Variants in PCDHGA1 observed in about 807,000 individuals in gnomAD.
PCDHGA1 encodes protocadherin gamma subfamily A, 1.
PCDHGA1 carries 32 observed loss-of-function variants against 58.0 expected under a neutral mutation model. That is an observed-to-expected ratio of 0.55 (90% CI 0.42 to 0.74). The LOEUF (loss-of-function observed/expected upper bound fraction) is 0.74. Ranked by LOEUF, PCDHGA1 falls within the 30% of genes least tolerant of loss-of-function variation. The probability of loss-of-function intolerance (pLI) is 0.00; values close to 1 mark genes in which losing one functional copy is unlikely to be tolerated. For missense variants in PCDHGA1, 1,205 were observed against 1,182.3 expected, an observed-to-expected ratio of 1.02 and a Z score of -0.28; for synonymous variants, 498 against 501.1, an observed-to-expected ratio of 0.99 and a Z score of 0.08.
In PCDHGA1 at chr5:141,485,470, T is replaced by C; in HGVS notation, c.2422-9337T>C. ...ACCGAGAGGCACTGTGTGGGCTCAG[T>C]GCCAGCTGCATCGTGCCCCTGGAGT... On this transcript the variant is annotated intron_variant, in intron 1 of 3. Coordinates refer to ENST00000517417, the MANE Select transcript of PCDHGA1 (RefSeq NM_018912.3). This position sits in a 1 kb window ranked among gnomAD's most constrained non-coding sequence, Gnocchi z 5.7. 1.9e-6 allele frequency: 3 copies of C among 1,614,110 alleles called. No individual in the cohort carries two copies. The highest frequency in any genetic ancestry group is 2.5e-6 in the Non-Finnish European group (3 of 1,180,002).
In PCDHGA1 at chr5:141,345,887, G is replaced by C. The variant is rs749950943; in HGVS notation, c.2421+12782G>C. 2.9e-5 allele frequency: 47 copies of C among 1,613,292 alleles called. No individual in the cohort carries two copies. In the South Asian group the frequency reaches 4.9e-4, roughly 17 times the overall value. ...AGGCCAGCGAGCCGGGACTCTTCTC[G>C]GTGGGTCTGCACACGGGCGAGGTGC... On this transcript the variant is annotated intron_variant, in intron 1 of 3. Transcript: ENST00000517417.
At chr5:141,373,976 G>T (rs1357062991) in intron 1 of PCDHGA1, 1 of 1,066,506 alleles carries the variant, frequency 9.4e-7, no homozygotes, top group Non-Finnish European at 1.3e-6. Context: ...CTTCGCATCC[G>T]GTCTCTGCTT....
rs1412764202 is a variant in PCDHGA1, at chr5:141,486,708, C to T, written c.2422-8099C>T. The T allele has an allele frequency of 1.2e-6, 2 of 1,614,062 alleles. No individual in the cohort carries two copies. Among genetic ancestry groups the T allele is most frequent in the Non-Finnish European group, 1.7e-6 (2 of 1,180,054 alleles). ...GCTTCCTCTTTCATCTCTCTGAACC[C>T]CCAGACAGGAGCTGTTCATGCTACT... On this transcript the variant is annotated intron_variant, in intron 1 of 3. Coordinates refer to ENST00000517417, the MANE Select transcript of PCDHGA1 (RefSeq NM_018912.3). This position sits in a 1 kb window ranked among gnomAD's most constrained non-coding sequence, Gnocchi z 5.0.
intron 1 of PCDHGA1, among the ~76,000 whole-genome samples, chr5:141,443,479 C>G (rs1285767691): frequency 6.6e-6 from 1 of 152,144 alleles, no homozygotes; most frequent in African/African-American, 2.4e-5. Context: ...GAATTAGACC[C>G]TGTCCCAAAA....
At chr5:141,364,829 C>T in intron 1 of PCDHGA1, 2 of 1,614,008 alleles carry the variant, frequency 1.2e-6, no homozygotes, top group Non-Finnish European at 1.7e-6. Context: ...TGTGAACTCT[C>T]TCCGGAGTTA....
At chr5:141,375,793 C>T (rs761231690) in intron 1 of PCDHGA1, 4 of 1,614,110 alleles carry the variant, frequency 2.5e-6, no homozygotes, top group East Asian at 4.5e-5. Context: ...TCCCCACAGA[C>T]GGTTCCACTG....
chr5:141,408,061 G>C, intron 1 of PCDHGA1: 1 of 1,332,898 alleles, frequency 7.5e-7, no homozygotes, highest in Non-Finnish European at 1.0e-6. Flanking sequence ...CCTCCCGGCT[G>C]CGCAGACCTT....
chr5:141,402,901 T>TG, intron 1 of PCDHGA1: 1 of 1,520,230 alleles, frequency 6.6e-7, no homozygotes, highest in Non-Finnish European at 8.8e-7. Context: ...AAGAACCTGA[T>TG]GAAGCAGCGC....
intron 1 of PCDHGA1, chr5:141,338,925 C>T: frequency 2.0e-6 from 3 of 1,518,902 alleles, no homozygotes; most frequent in Non-Finnish European, 2.6e-6. Flanking sequence ...TTGGAATCCG[C>T]ACTGGATGCT....
Position 141,485,331 on chromosome 5 carries a change from T to C in PCDHGA1, c.2422-9476T>C, listed in dbSNP as rs1203054851. On this transcript the variant is annotated intron_variant, in intron 1 of 3. Transcript: ENST00000517417. This position sits in a 1 kb window ranked among gnomAD's most constrained non-coding sequence, Gnocchi z 5.7. Reference sequence around the variant, plus strand: ...GTAGGGAATGTCGCTCAAGATTTCCTGCTGGATACGGACAGTCTGTCAGCT... The same window carrying C: ...GTAGGGAATGTCGCTCAAGATTTCCCGCTGGATACGGACAGTCTGTCAGCT... 6.2e-7 allele frequency: 1 copy of C among 1,614,048 alleles called. No individual in the cohort carries two copies. Among genetic ancestry groups the C allele is most frequent in the African/African-American group, 1.3e-5 (1 of 74,902 alleles).
rs148589854 is a variant in PCDHGA1, at chr5:141,393,112, C to T, written c.2421+60007C>T. ...CGGGAGGAGCTCTGCGCTCAGAGCC[C>T]GCGGTGTCTGATAAATATTAACACC... On this transcript the variant is annotated intron_variant, in intron 1 of 3. Transcript: ENST00000517417. 5.0e-3 allele frequency: 7,989 copies of T among 1,613,452 alleles called. 48 individuals carry two copies. The highest frequency in any genetic ancestry group is 9.4e-3 in the Admixed American group (566 of 60,028).
intron 1 of PCDHGA1, chr5:141,423,800 T>C: frequency 1.6e-5 from 14 of 895,104 alleles, no homozygotes; most frequent in East Asian, 1.3e-4. Context: ...TTTAGAGCAA[T>C]ACATGTGAGT....
At chr5:141,340,998 G>A (rs1341842260) in intron 1 of PCDHGA1, 18 of 1,613,964 alleles carry the variant, frequency 1.1e-5, no homozygotes, top group Non-Finnish European at 1.5e-5. Flanking sequence ...GCCGACCTGG[G>A]CAGCCTCGAG....
chr5:141,357,485 A>C (rs1348753984), intron 1 of PCDHGA1: 9 of 1,614,044 alleles, frequency 5.6e-6, no homozygotes, highest in Non-Finnish European at 7.6e-6. Flanking sequence ...CTCACCGCGG[A>C]CTCGCGGAAG....
intron 1 of PCDHGA1, chr5:141,340,179 G>A (rs767631394): frequency 3.7e-6 from 6 of 1,614,154 alleles, no homozygotes; most frequent in East Asian, 2.2e-5. Flanking sequence ...AATTACTACC[G>A]ACTGGTTACA....
intron 1 of PCDHGA1, chr5:141,388,942 T>C: frequency 6.2e-7 from 1 of 1,614,004 alleles, no homozygotes; most frequent in African/African-American, 1.3e-5. Flanking sequence ...CTACCCAACC[T>C]AATTATGGAG....
chr5:141,401,654 G>T (rs566223613), intron 1 of PCDHGA1, among the ~76,000 whole-genome samples: 52 of 152,328 alleles, frequency 3.4e-4, no homozygotes, highest in Middle Eastern at 3.4e-3. Flanking sequence ...TAAATGACTG[G>T]ATGTTTTCTC....
At chr5:141,362,001 C>T in intron 1 of PCDHGA1, 3 of 1,603,878 alleles carry the variant, frequency 1.9e-6, no homozygotes, top group South Asian at 1.1e-5. Flanking sequence ...TGGGGTTGCG[C>T]ACGGGTGAGG....
At chr5:141,346,506 G>T (rs768849067) in intron 1 of PCDHGA1, 1 of 1,609,240 alleles carries the variant, frequency 6.2e-7, no homozygotes, top group East Asian at 2.2e-5. Flanking sequence ...TGAGAATGTG[G>T]TTATTATAAA....
Sources: gnomAD v4.1 joint callset for allele counts (sites outside exome capture counted in the v4.1 genomes callset) on GRCh38, gnomAD v4.1.1 for gene constraint, Gnocchi (gnomAD v3.1) non-coding constraint, MANE v1.5 for transcripts, NCBI Gene and HGNC (gene_info 2026-07-23, HGNC 2026-07-21) for gene names.